Variants in FSTL4 observed in about 807,000 individuals in gnomAD.
The protein encoded by FSTL4 is follistatin-related protein 4.
A neutral mutation model predicts 78.2 loss-of-function variants in FSTL4; 28 were observed. The observed-to-expected ratio is 0.36, with a 90% CI of 0.27 to 0.49. The LOEUF is 0.49. FSTL4 is among the 20% of genes least tolerant of loss of function. FSTL4 has a pLI of 0.98. For synonymous variants in FSTL4, 422 were observed against 440.5 expected, an observed-to-expected ratio of 0.96 and a Z score of 0.53; for missense variants, 922 against 1,084.9, an observed-to-expected ratio of 0.85 and a Z score of 2.11.
chr5:133,727,015 A>T, the FSTL4 span, among the ~76,000 whole-genome samples: 1 of 152,154 alleles, frequency 6.6e-6, no homozygotes, highest in Non-Finnish European at 1.5e-5. Flanking sequence ...TTAACTATGC[A>T]TTGGAAAACC....
At chr5:133,746,564 T>G in the FSTL4 span, among the ~76,000 whole-genome samples, 1 of 152,004 alleles carries the variant, frequency 6.6e-6, no homozygotes, top group Non-Finnish European at 1.5e-5. Flanking sequence ...AAAAAATAAT[T>G]TTTTCTCAGA....
the FSTL4 span, among the ~76,000 whole-genome samples, chr5:133,667,252 T>C: frequency 6.6e-6 from 1 of 152,088 alleles, no homozygotes; most frequent in African/African-American, 2.4e-5. Context: ...CCTCAACCTA[T>C]GTCCAAAATG....
intron 14 of FSTL4, among the ~76,000 whole-genome samples, chr5:133,209,523 C>A (rs563812384): frequency 2.0e-5 from 3 of 152,198 alleles, no homozygotes; most frequent in Non-Finnish European, 4.4e-5. Context: ...GCATTCAAAT[C>A]ACTTTACAGG....
chr5:133,643,002 A>G, the FSTL4 span, among the ~76,000 whole-genome samples: 2 of 152,306 alleles, frequency 1.3e-5, no homozygotes, highest in Admixed American at 1.3e-4. Context: ...GACTGCAGTA[A>G]CCTTAGAAAA....
chr5:133,776,569 A>C, the FSTL4 span, among the ~76,000 whole-genome samples: 3 of 152,072 alleles, frequency 2.0e-5, no homozygotes, highest in African/African-American at 7.2e-5. Flanking sequence ...TTTCCTGGTA[A>C]GATCCTAACT....
At chr5:133,590,163 G>C (rs1329948959) in intron 2 of FSTL4, among the ~76,000 whole-genome samples, 1 of 151,716 alleles carries the variant, frequency 6.6e-6, no homozygotes, top group African/African-American at 2.4e-5. Flanking sequence ...CACCAGGCTA[G>C]AGTGCAGTGG....
chr5:133,746,178 G>T, the FSTL4 span, among the ~76,000 whole-genome samples: 660 of 152,334 alleles, frequency 4.3e-3, 5 homozygotes, highest in African/African-American at 0.015. Flanking sequence ...CCTAGAGGAT[G>T]TCTTGTCACC....
intron 3 of FSTL4, among the ~76,000 whole-genome samples, chr5:133,489,303 A>G (rs762756662): frequency 1.1e-4 from 16 of 152,190 alleles, no homozygotes; most frequent in Non-Finnish European, 2.1e-4. Flanking sequence ...GCCAAGTGTC[A>G]TGAGAGGCGA....
the FSTL4 span, among the ~76,000 whole-genome samples, chr5:133,744,328 G>A: frequency 6.6e-6 from 1 of 152,180 alleles, no homozygotes; most frequent in Admixed American, 6.5e-5. Context: ...CCCCAGTCAG[G>A]ACCATGATTC....
the FSTL4 span, among the ~76,000 whole-genome samples, chr5:133,635,839 A>C: frequency 1.3e-5 from 2 of 152,222 alleles, no homozygotes; most frequent in Admixed American, 6.5e-5. Context: ...GAGTGAAAAT[A>C]TCATCACTCC....
At position 133,199,116 on chromosome 5, in the gene FSTL4, C is replaced by G; in HGVS notation, c.2508G>C (p.Val836=). 6.4e-7 allele frequency: 1 copy of G among 1,555,946 alleles called. No homozygotes were observed. Among genetic ancestry groups the G allele is most frequent in the Non-Finnish European group, 8.7e-7 (1 of 1,147,286 alleles). ...EVSGIKGGTT[V]VWVGEV ...CCCTTCATACCTCACCCACCCACAC[C>G]ACTGTGGTCCCCCCCTTTATACCTG... Residue 836 remains valine (V), a synonymous_variant, in exon 16 of 16, where the codon GTG becomes GTC. Coordinates refer to ENST00000265342, the MANE Select transcript of FSTL4 (RefSeq NM_015082.2). The surrounding 1 kb of genome is among the most constrained non-coding windows in gnomAD (Gnocchi z 4.4).
chr5:133,368,689 T>C (rs981364942), intron 4 of FSTL4, among the ~76,000 whole-genome samples: 1 of 152,152 alleles, frequency 6.6e-6, no homozygotes, highest in African/African-American at 2.4e-5. Flanking sequence ...ACACACAGAT[T>C]CCTGAGCCAG....
chr5:133,374,245 C>T (rs1452632755), intron 4 of FSTL4, among the ~76,000 whole-genome samples: 1 of 152,188 alleles, frequency 6.6e-6, no homozygotes, highest in Non-Finnish European at 1.5e-5. Flanking sequence ...GCAACTTTCT[C>T]CTATTCGGTC....
At chr5:133,773,046 G>A in the FSTL4 span, among the ~76,000 whole-genome samples, 2 of 151,848 alleles carry the variant, frequency 1.3e-5, no homozygotes, top group Admixed American at 6.6e-5. Context: ...ATTGTTAAAT[G>A]GGAAAAAGTT....
intron 3 of FSTL4, among the ~76,000 whole-genome samples, chr5:133,408,973 G>C (rs761190877): frequency 6.6e-6 from 1 of 152,090 alleles, no homozygotes; most frequent in Admixed American, 6.5e-5. Context: ...TGCTGTCTTC[G>C]GGAGGCCAGC....
intron 4 of FSTL4, among the ~76,000 whole-genome samples, chr5:133,394,746 G>A (rs1755957801): frequency 6.6e-6 from 1 of 152,232 alleles, no homozygotes; most frequent in South Asian, 2.1e-4. Context: ...GGTGCACTGC[G>A]CGGGACTGGC....
chr5:133,524,042 T>C (rs563847354), intron 3 of FSTL4, among the ~76,000 whole-genome samples: 1 of 152,274 alleles, frequency 6.6e-6, no homozygotes, highest in South Asian at 2.1e-4. Flanking sequence ...AGACACCAGA[T>C]GAGACAGCAG....
chr5:133,678,240 T>TTAAA, the FSTL4 span, among the ~76,000 whole-genome samples: 3 of 152,212 alleles, frequency 2.0e-5, no homozygotes, highest in African/African-American at 7.2e-5. Context: ...TTAAGAGCAC[T>TTAAA]ATTCTTGCTG....
At chr5:133,738,106 C>A in the FSTL4 span, among the ~76,000 whole-genome samples, 1 of 152,126 alleles carries the variant, frequency 6.6e-6, no homozygotes, top group Non-Finnish European at 1.5e-5. Context: ...TCCTAGCCAG[C>A]CTGTCTTCAT....
Sources: gnomAD v4.1 joint callset for allele counts (sites outside exome capture counted in the v4.1 genomes callset) on GRCh38, gnomAD v4.1.1 for gene constraint, Gnocchi (gnomAD v3.1) non-coding constraint, MANE v1.5 for transcripts, NCBI Gene and HGNC (gene_info 2026-07-23, HGNC 2026-07-21) for gene names.